TMEM163: variants seen among roughly 807,000 people sequenced by gnomAD.
The protein encoded by TMEM163 is transmembrane protein 163.
In TMEM163, 17 loss-of-function variants were observed where a neutral mutation model predicts 29.3. The observed-to-expected ratio is 0.58, with a 90% CI of 0.40 to 0.87. The LOEUF (loss-of-function observed/expected upper bound fraction) is 0.87, where lower values mean the gene tolerates loss of function less well. Among genes scored for constraint, TMEM163 ranks in the 40% least tolerant of loss-of-function variants. The pLI, the probability that TMEM163 is intolerant of heterozygous loss-of-function variation, is 0.00. For synonymous variants in TMEM163, 157 were observed against 160.6 expected (o/e 0.98, Z 0.17); for missense variants, 303 against 381.5 (o/e 0.79, Z 1.71).
In TMEM163 at chr2:134,652,001, T is replaced by C. The variant is rs953016218; in HGVS notation, c.322+61199A>G. Reference sequence around the variant, plus strand: ...TGTGATGCCTCCAGCTTTGTTCTTTTGGCTTAGGATTGACTTGGTGATGCG... The same window carrying C: ...TGTGATGCCTCCAGCTTTGTTCTTTCGGCTTAGGATTGACTTGGTGATGCG... On this transcript the variant is annotated intron_variant, in intron 2 of 7. Coordinates refer to ENST00000281924, the MANE Select transcript of TMEM163 (RefSeq NM_030923.5). Among the ~76,000 whole-genome samples the C allele has an allele frequency of 1.8e-4, 24 of 132,806 alleles. 3 individuals are homozygous for C. Among genetic ancestry groups the C allele is most frequent in the African/African-American group, 7.7e-4 (23 of 29,958 alleles). The allele number at this position is 132,806 out of a possible 152,430, so 87.1% of individuals were successfully genotyped here.
At chr2:134,529,276 A>G (rs1411139669) in intron 4 of TMEM163, among the ~76,000 whole-genome samples, 1 of 152,186 alleles carries the variant, frequency 6.6e-6, no homozygotes, top group Non-Finnish European at 1.5e-5. Flanking sequence ...GGTTGCAGTG[A>G]GCTGAGATCA....
chr2:134,715,856 TG>T (rs1207943157), intron 1 of TMEM163, among the ~76,000 whole-genome samples: 2 of 152,254 alleles, frequency 1.3e-5, no homozygotes, highest in Admixed American at 6.5e-5. Flanking sequence ...TACCCATAGC[TG>T]GCCCCCATAT....
intron 2 of TMEM163, among the ~76,000 whole-genome samples, chr2:134,629,029 C>T (rs2104830576): frequency 6.6e-6 from 1 of 152,294 alleles, no homozygotes; most frequent in South Asian, 2.1e-4. Context: ...AAAATATGAC[C>T]TTACATCTTA....
At chr2:134,613,251 AG>A in intron 2 of TMEM163, among the ~76,000 whole-genome samples, 1 of 152,214 alleles carries the variant, frequency 6.6e-6, no homozygotes, top group Non-Finnish European at 1.5e-5. Flanking sequence ...AGGAAAATTA[AG>A]TTTGGAGACT....
rs139108854 is a variant in TMEM163, at chr2:134,630,064, C to T, written c.323-77973G>A. 3.0e-4 allele frequency among the ~76,000 whole-genome samples: 45 copies of T among 152,288 alleles called. No homozygotes were observed. The East Asian group carries it at 7.9e-3, about 27-fold the overall frequency. On this transcript the variant is annotated intron_variant, in intron 2 of 7. Transcript: ENST00000281924. Reference sequence around the variant, plus strand: ...ATCCATTCATGCAACATGCTCACCACGTGCCTACTATGTGTCAGGACTGTT... The same window carrying T: ...ATCCATTCATGCAACATGCTCACCATGTGCCTACTATGTGTCAGGACTGTT...
intron 4 of TMEM163, among the ~76,000 whole-genome samples, chr2:134,507,939 GA>G (rs1679862976): frequency 6.6e-6 from 1 of 151,818 alleles, no homozygotes; most frequent in African/African-American, 2.4e-5. Flanking sequence ...CCACTTCAAA[GA>G]AATGATTAAA....
At chr2:134,518,497 G>C (rs528577433) in intron 4 of TMEM163, among the ~76,000 whole-genome samples, 1 of 152,142 alleles carries the variant, frequency 6.6e-6, no homozygotes, top group Non-Finnish European at 1.5e-5. Flanking sequence ...TAAATGTAAC[G>C]CACCACAGTG....
intron 2 of TMEM163, among the ~76,000 whole-genome samples, chr2:134,648,772 T>G (rs1683398407): frequency 6.6e-6 from 1 of 152,216 alleles, no homozygotes; most frequent in African/African-American, 2.4e-5. Flanking sequence ...GTATGATTCA[T>G]GGTGCTAAGA....
chr2:134,583,507 C>G (rs550992358), intron 2 of TMEM163, among the ~76,000 whole-genome samples: 6 of 152,332 alleles, frequency 3.9e-5, no homozygotes, highest in Admixed American at 3.9e-4. Flanking sequence ...ACTTCTCACT[C>G]AAACCCCATG....
intron 2 of TMEM163, among the ~76,000 whole-genome samples, chr2:134,633,978 T>C (rs1378305034): frequency 8.2e-4 from 9 of 10,980 alleles, no homozygotes; most frequent in African/African-American, 6.9e-3. Flanking sequence ...TATATATATA[T>C]ATATATATAT....
intron 2 of TMEM163, among the ~76,000 whole-genome samples, chr2:134,673,606 T>C (rs1457325823): frequency 2.0e-5 from 3 of 152,170 alleles, no homozygotes; most frequent in Non-Finnish European, 4.4e-5. Flanking sequence ...GGACCCAACA[T>C]AATCACAGGG....
At chr2:134,639,773 C>T (rs1417465371) in intron 2 of TMEM163, among the ~76,000 whole-genome samples, 4 of 152,162 alleles carry the variant, frequency 2.6e-5, no homozygotes, top group African/African-American at 7.2e-5. Flanking sequence ...TTCAAACCAC[C>T]GTTGACAATG....
chr2:134,544,165 C>T (rs1257559276), intron 4 of TMEM163, among the ~76,000 whole-genome samples: 2 of 152,142 alleles, frequency 1.3e-5, no homozygotes, highest in African/African-American at 4.8e-5. Context: ...CATCCCATGG[C>T]CCTCGCAGCT....
chr2:134,589,577 C>T (rs918590705), intron 2 of TMEM163, among the ~76,000 whole-genome samples: 1 of 152,160 alleles, frequency 6.6e-6, no homozygotes, highest in African/African-American at 2.4e-5. Context: ...CAGGAAGTTA[C>T]CCTATAAGGT....
intron 5 of TMEM163, among the ~76,000 whole-genome samples, chr2:134,496,347 C>T (rs1304433707): frequency 6.6e-6 from 1 of 152,176 alleles, no homozygotes; most frequent in Admixed American, 6.5e-5. Context: ...CAGATATGAG[C>T]CACCGCACCA....
chr2:134,510,533 G>A (rs189035486), intron 4 of TMEM163, among the ~76,000 whole-genome samples: 3 of 152,238 alleles, frequency 2.0e-5, no homozygotes, highest in East Asian at 3.9e-4. Context: ...ATGACTCTAC[G>A]CACGGGCCAT....
rs115235627 is a variant in TMEM163, at chr2:134,582,452, C to T, written c.323-30361G>A. ...TCCAGTCTGCCACCTTTGGACTGTT[C>T]CTGCATGTAAGTTCTCACAAATAAA... On this transcript the variant is annotated intron_variant, in intron 2 of 7. Coordinates refer to ENST00000281924, the MANE Select transcript of TMEM163 (RefSeq NM_030923.5). 5.5e-3 allele frequency among the ~76,000 whole-genome samples: 840 copies of T among 152,314 alleles called. 9 individuals carry two copies. Among genetic ancestry groups the T allele is most frequent in the African/African-American group, 0.019 (790 of 41,578 alleles).
rs1459545607 is a variant in TMEM163 at position 134,455,782 on chromosome 2, CTT to C, written c.*932_*933del. ...CATGCCATACAAAACAGGTAAAGGT[CTT>C]TATTGGTCAGCCACTACTGCCCGGG... On this transcript the variant is annotated 3_prime_UTR_variant, in exon 8 of 8. Coordinates refer to ENST00000281924, the MANE Select transcript of TMEM163 (RefSeq NM_030923.5). The C allele has an allele frequency of 6.6e-6, 1 of 152,266 alleles. No individual in the cohort carries two copies. Among genetic ancestry groups the C allele is most frequent in the Admixed American group, 6.5e-5 (1 of 15,278 alleles). The allele number at this position is 152,266 out of a possible 1,614,324, so 9.4% of individuals were successfully genotyped here. A position where few individuals can be genotyped will look rare whatever the true frequency, so the allele number is the denominator to read the frequency against.
At chr2:134,686,976 G>A (rs544651134) in intron 2 of TMEM163, among the ~76,000 whole-genome samples, 1 of 152,256 alleles carries the variant, frequency 6.6e-6, no homozygotes, top group East Asian at 1.9e-4. Context: ...CCAAGCTTAG[G>A]GAAGCTGATT....
Sources: gnomAD v4.1 joint callset for allele counts (sites outside exome capture counted in the v4.1 genomes callset) on GRCh38, gnomAD v4.1.1 for gene constraint, MANE v1.5 for transcripts, NCBI Gene and HGNC (gene_info 2026-07-23, HGNC 2026-07-21) for gene names.